The following CHD5 variants were observed in gnomAD, a reference collection of about 807,000 sequenced individuals.
CHD5 encodes chromodomain helicase DNA binding protein 5.
In CHD5, 69 loss-of-function variants were observed where a neutral mutation model predicts 230.3. The observed-to-expected ratio is 0.30, with a 90% CI of 0.25 to 0.37. CHD5 has a LOEUF of 0.37. Among genes scored for constraint, CHD5 ranks in the 10% least tolerant of loss-of-function variants. CHD5 has a pLI of 1.00. For missense variants in CHD5, 1,827 were observed against 2,622.8 expected, an observed-to-expected ratio of 0.70 and a Z score of 6.63; for synonymous variants, 1,064 against 1,065.9, an observed-to-expected ratio of 1.00 and a Z score of 0.03.
chr1:6,123,582 A>G (rs999383999), intron 31 of CHD5, among the ~76,000 whole-genome samples: 1 of 152,012 alleles, frequency 6.6e-6, no homozygotes, highest in Non-Finnish European at 1.5e-5. Flanking sequence ...ACGTGCCACC[A>G]TGCCCGGCTA....
At position 6,134,019 on chromosome 1, in the gene CHD5, A is replaced by C; in HGVS notation, c.3144+109T>G. ...ACACAGTCACATGACCCACATGGGAACGGCACTGGGCCCTGAGGGGTGCCA... is the reference window on the plus strand; with the variant it reads ...ACACAGTCACATGACCCACATGGGACCGGCACTGGGCCCTGAGGGGTGCCA... On this transcript the variant is annotated intron_variant, in intron 20 of 41. Transcript: ENST00000262450. The surrounding 1 kb of genome is among the most constrained non-coding windows in gnomAD (Gnocchi z 6.3). The C allele has an allele frequency of 9.4e-7, 1 of 1,064,412 alleles. No individual in the cohort carries two copies. The highest frequency in any genetic ancestry group is 2.1e-5 in the Admixed American group (1 of 47,316). The allele number at this position is 1,064,412 out of a possible 1,614,324, so 65.9% of individuals were successfully genotyped here.
chr1:6,133,727 C>A (rs531048061), intron 20 of CHD5, among the ~76,000 whole-genome samples: 1 of 152,354 alleles, frequency 6.6e-6, no homozygotes, highest in African/African-American at 2.4e-5. Flanking sequence ...GAGCCGGCGG[C>A]CCTGCCTCCA....
At position 6,140,438 on chromosome 1, in the gene CHD5, G is replaced by A. The variant is rs115187670; in HGVS notation, c.2436+1690C>T. On this transcript the variant is annotated intron_variant, in intron 15 of 41. Coordinates refer to ENST00000262450, the MANE Select transcript of CHD5 (RefSeq NM_015557.3). ...AAAGAAAAAGAAAAAGAAATGCAGAGGCTCGGGCCCCACCCCAGCACTGCT... is the reference window on the plus strand; with the variant it reads ...AAAGAAAAAGAAAAAGAAATGCAGAAGCTCGGGCCCCACCCCAGCACTGCT... Among the ~76,000 whole-genome samples the A allele has an allele frequency of 6.9e-3, 1,052 of 152,026 alleles. 12 individuals carry two copies. The highest frequency in any genetic ancestry group is 0.024 in the African/African-American group (1,007 of 41,480).
chr1:6,126,934 C>T lies in CHD5; in HGVS notation c.3904-188G>A. ...CTAGCTTTTCTCTCCCTGCCCCTAT[C>T]CAGTCAATCATTTACTTATTCATCC... On this transcript the variant is annotated intron_variant, in intron 25 of 41. Coordinates refer to ENST00000262450, the MANE Select transcript of CHD5 (RefSeq NM_015557.3). This position sits in a 1 kb window ranked among gnomAD's most constrained non-coding sequence, Gnocchi z 5.7. 1.7e-6 allele frequency: 1 copy of T among 596,002 alleles called. No individual in the cohort carries two copies. The highest frequency in any genetic ancestry group is 3.0e-6 in the Non-Finnish European group (1 of 334,470). The allele number at this position is 596,002 out of a possible 1,614,324, so 36.9% of individuals were successfully genotyped here.
chr1:6,109,769 C>T (rs1258340490), intron 38 of CHD5, 26 bp downstream of exon 38: 1 of 1,600,398 alleles, frequency 6.2e-7, no homozygotes, highest in East Asian at 2.2e-5. Context: ...CGGGGGGCTG[C>T]ACCGTGGGGG....
chr1:6,152,350 G>T, intron 6 of CHD5, 62 bp downstream of exon 6: 1 of 1,557,558 alleles, frequency 6.4e-7, no homozygotes. Context: ...GCCCTTGCGT[G>T]CTCATGTGCA....
intron 1 of CHD5, among the ~76,000 whole-genome samples, chr1:6,172,486 G>A (rs1571175017): frequency 6.6e-6 from 1 of 152,132 alleles, no homozygotes; most frequent in African/African-American, 2.4e-5. Context: ...CACCACACCT[G>A]GCTCAGGGTT....
chr1:6,143,494 G>A (rs565669982), intron 13 of CHD5, among the ~76,000 whole-genome samples: 227 of 147,142 alleles, frequency 1.5e-3, no homozygotes, highest in African/African-American at 6.0e-3. Flanking sequence ...AAGACAGTGT[G>A]TCTTCTGAAA....
chr1:6,115,108 C>A (rs1340997194), intron 33 of CHD5, among the ~76,000 whole-genome samples: 1 of 151,646 alleles, frequency 6.6e-6, no homozygotes, highest in Non-Finnish European at 1.5e-5. Context: ...ATCAGGAGAT[C>A]GAGACCATCC....
At chr1:6,127,974 G>T in intron 25 of CHD5, 72 bp downstream of exon 25, 1 of 1,354,824 alleles carries the variant, frequency 7.4e-7, no homozygotes, top group Non-Finnish European at 1.0e-6. Flanking sequence ...AGTGGAAGGC[G>T]TGGACACAGT....
intron 31 of CHD5, among the ~76,000 whole-genome samples, chr1:6,122,377 G>A (rs1239275317): frequency 1.3e-5 from 2 of 152,162 alleles, no homozygotes; most frequent in Non-Finnish European, 2.9e-5. Flanking sequence ...CAGCCAATAC[G>A]CACACCGAAC....
chr1:6,176,635 G>A (rs1317145346), intron 1 of CHD5, among the ~76,000 whole-genome samples: 2 of 152,208 alleles, frequency 1.3e-5, no homozygotes, highest in Admixed American at 6.5e-5. Flanking sequence ...CTTGGCTGGT[G>A]CTAACTACAC....
At chr1:6,114,210 G>A (rs990381237) in intron 33 of CHD5, among the ~76,000 whole-genome samples, 58 of 150,706 alleles carry the variant, frequency 3.8e-4, no homozygotes, top group Non-Finnish European at 6.5e-4. Flanking sequence ...CCGAGATCAC[G>A]CCACTGCACT....
At chr1:6,147,600 C>T (rs1666931458) in intron 9 of CHD5, among the ~76,000 whole-genome samples, 1 of 152,170 alleles carries the variant, frequency 6.6e-6, no homozygotes, top group African/African-American at 2.4e-5. Context: ...TGGACAGGGT[C>T]GGGGGTGACT....
At chr1:6,106,191 C>A (rs760377326) in intron 41 of CHD5, 43 bp downstream of exon 41, 3 of 1,568,584 alleles carry the variant, frequency 1.9e-6, no homozygotes, top group Non-Finnish European at 8.8e-7. Flanking sequence ...GGTTTGCCAG[C>A]AATGGGGTGG....
chr1:6,168,346 C>A (rs747137108), intron 1 of CHD5, 69 bp from the exon 2 acceptor site: 63 of 1,506,098 alleles, frequency 4.2e-5, no homozygotes, highest in Non-Finnish European at 5.5e-5. Context: ...AGACACAGAG[C>A]CAGCCCTGGG....
chr1:6,150,979 GC>G, intron 7 of CHD5, 52 bp downstream of exon 7: 1 of 1,451,516 alleles, frequency 6.9e-7, no homozygotes. Context: ...TCCTACTCGT[GC>G]CCCACTACAT....
intron 1 of CHD5, among the ~76,000 whole-genome samples, chr1:6,174,026 C>T (rs953678943): frequency 2.0e-5 from 3 of 151,974 alleles, no homozygotes; most frequent in Non-Finnish European, 4.4e-5. Flanking sequence ...CCCCAAGTGA[C>T]TGGGGCCTGG....
intron 34 of CHD5, 86 bp downstream of exon 34, chr1:6,112,823 G>A: frequency 1.0e-6 from 1 of 998,332 alleles, no homozygotes; most frequent in Non-Finnish European, 1.5e-6. Context: ...ACGGCGCCTG[G>A]GAGACTGTGG....
Sources: allele counts gnomAD v4.1 joint callset (sites outside exome capture counted in the v4.1 genomes callset), GRCh38; gene constraint gnomAD v4.1.1; non-coding constraint Gnocchi (gnomAD v3.1); transcripts MANE v1.5; gene names NCBI Gene and HGNC (gene_info 2026-07-23, HGNC 2026-07-21).